KCNG3: variants seen among roughly 807,000 people sequenced by gnomAD.
KCNG3 encodes potassium voltage-gated channel modifier subfamily G member 3.
A neutral mutation model predicts 29.0 loss-of-function variants in KCNG3; 15 were observed. The ratio of observed to expected loss-of-function variants is 0.52; its 90% CI spans 0.35 to 0.80. The LOEUF (loss-of-function observed/expected upper bound fraction) is 0.80, where lower values mean the gene tolerates loss of function less well. Ranked by LOEUF, KCNG3 falls within the 30% of genes least tolerant of loss-of-function variation. The probability of loss-of-function intolerance (pLI) is 0.01; values close to 1 mark genes in which losing one functional copy is unlikely to be tolerated. For missense variants in KCNG3, 512 were observed against 605.7 expected (o/e 0.85, Z 1.62); for synonymous variants, 322 against 248.9 (o/e 1.29, Z -2.76).
Position 42,485,591 on chromosome 2 carries a change from C to T in KCNG3, c.665+7246G>A, listed in dbSNP as rs1307974378. On this transcript the variant is annotated intron_variant, in intron 1 of 1. Coordinates refer to ENST00000306078, the MANE Select transcript of KCNG3 (RefSeq NM_133329.6). ...TCCCGAGTAGCTCGGACTACAGGCG[C>T]CCGCCACCATGCCTAGCTAATTTTG... Among the ~76,000 whole-genome samples, 3 of 152,074 alleles carry T rather than the reference C, an allele frequency of 2.0e-5. No individual in the cohort carries two copies. The East Asian group carries it at 5.8e-4, about 29-fold the overall frequency.
chr2:42,478,052 C>T (rs753525370), intron 1 of KCNG3, among the ~76,000 whole-genome samples: 1 of 151,998 alleles, frequency 6.6e-6, no homozygotes, highest in East Asian at 1.9e-4. Context: ...ACCACAGGCA[C>T]GTTCTCAGGC....
chr2:42,415,189 ACAT>A, the KCNG3 span, among the ~76,000 whole-genome samples: 1 of 152,152 alleles, frequency 6.6e-6, no homozygotes, highest in Admixed American at 6.6e-5. Context: ...GCTGGGCCCC[ACAT>A]TAGGGCTCAG....
chr2:42,455,278 T>TC (rs1248904180), intron 1 of KCNG3, among the ~76,000 whole-genome samples: 1 of 152,174 alleles, frequency 6.6e-6, no homozygotes. Flanking sequence ...GTTGGACTGC[T>TC]CAGCCACACT....
chr2:42,486,004 A>T (rs1191684606), intron 1 of KCNG3, among the ~76,000 whole-genome samples: 1 of 152,204 alleles, frequency 6.6e-6, no homozygotes, highest in East Asian at 1.9e-4. Flanking sequence ...AGTCCTCTCA[A>T]TGAGGACTAA....
chr2:42,419,655 A>G, the KCNG3 span, among the ~76,000 whole-genome samples: 18,195 of 152,182 alleles, frequency 0.12, 1,190 homozygotes, highest in South Asian at 0.26. Context: ...CAACCTTAGC[A>G]CTCAGCTACT....
intron 1 of KCNG3, among the ~76,000 whole-genome samples, chr2:42,478,390 G>A (rs1285332732): frequency 6.6e-6 from 1 of 151,784 alleles, no homozygotes; most frequent in African/African-American, 2.4e-5. Context: ...ACGTCACCAT[G>A]CCTAGCTAAT....
chr2:42,493,821 A>C lies in KCNG3; in HGVS notation c.-320T>G. The C allele has an allele frequency of 4.4e-6, 1 of 228,068 alleles. No homozygotes were observed. Among genetic ancestry groups the C allele is most frequent in the Non-Finnish European group, 8.5e-6 (1 of 117,446 alleles). 14.1% of individuals were successfully genotyped at this position (228,068 alleles called of 1,614,324 possible). ...ACCCTCGCGCCCGAGGGCTGCGCAC[A>C]CCGAGGCCGCGGTGCCCTCTCCCAA... On this transcript the variant is annotated 5_prime_UTR_variant, in exon 1 of 2. Coordinates refer to ENST00000306078, the MANE Select transcript of KCNG3 (RefSeq NM_133329.6).
rs906226164 is a variant in KCNG3 at position 42,455,977 on chromosome 2, T to C, written c.666-11398A>G. 2.0e-5 allele frequency among the ~76,000 whole-genome samples: 3 copies of C among 149,282 alleles called. No homozygotes were observed. In the Admixed American group the frequency reaches 2.0e-4, roughly 10 times the overall value. On this transcript the variant is annotated intron_variant, in intron 1 of 1. Coordinates refer to ENST00000306078, the MANE Select transcript of KCNG3 (RefSeq NM_133329.6). ...TAATTATATTACATTTAAAATAATA[T>C]ATAGTATATTTTAAATATAGTACAA...
chr2:42,493,402 G>A lies in KCNG3; in HGVS notation c.100C>T (p.Arg34Cys). 2 of 1,516,752 alleles carry A rather than the reference G, an allele frequency of 1.3e-6. No individual in the cohort carries two copies. Among genetic ancestry groups the A allele is most frequent in the Non-Finnish European group, 8.8e-7 (1 of 1,134,044 alleles). The allele number at this position is 1,516,752 out of a possible 1,614,324, so 94.0% of individuals were successfully genotyped here. A position where few individuals can be genotyped will look rare whatever the true frequency, so the allele number is the denominator to read the frequency against. The change falls in exon 1 of 2, where the codon CGC (arginine) becomes TGC (cysteine). Residue 34 changes from arginine (R) to cysteine (C), a missense_variant. Transcript: ENST00000306078. ...CGGCAGCCGTGCAGCCGGCTCACGCGGCGCAGCGGGAAGTCCTTCAGCAGC... is the reference window on the plus strand; with the variant it reads ...CGGCAGCCGTGCAGCCGGCTCACGCAGCGCAGCGGGAAGTCCTTCAGCAGC... Reference protein sequence around the residue: ...RELLKDFPLRRVSRLHGCRSE... With the variant: ...RELLKDFPLRCVSRLHGCRSE...
At chr2:42,408,805 C>A in the KCNG3 span, among the ~76,000 whole-genome samples, 37 of 152,300 alleles carry the variant, frequency 2.4e-4, no homozygotes, top group African/African-American at 8.9e-4. Flanking sequence ...CCTTGCTCAC[C>A]ACGTTGCTGG....
the KCNG3 span, among the ~76,000 whole-genome samples, chr2:42,411,932 C>T: frequency 2.0e-5 from 3 of 152,326 alleles, no homozygotes; most frequent in East Asian, 5.8e-4. Context: ...ATTTCCAAGA[C>T]TATGTGACAG....
intron 1 of KCNG3, among the ~76,000 whole-genome samples, chr2:42,456,725 A>T (rs1017534433): frequency 6.6e-6 from 1 of 152,186 alleles, no homozygotes; most frequent in South Asian, 2.1e-4. Context: ...GTGCCACAAA[A>T]GGAAAAGTTA....
At chr2:42,482,142 C>G (rs922001594) in intron 1 of KCNG3, among the ~76,000 whole-genome samples, 1 of 152,210 alleles carries the variant, frequency 6.6e-6, no homozygotes, top group African/African-American at 2.4e-5. Flanking sequence ...TCATTGAAAG[C>G]AAGGACTTTG....
At chr2:42,455,011 A>G (rs1173895178) in intron 1 of KCNG3, among the ~76,000 whole-genome samples, 2 of 152,242 alleles carry the variant, frequency 1.3e-5, no homozygotes, top group Non-Finnish European at 1.5e-5. Context: ...ACTAAATGGT[A>G]TACTTAAAAA....
Position 42,493,355 on chromosome 2 carries a change from C to T in KCNG3, c.147G>A (p.Glu49=), listed in dbSNP as rs1182677416. ...GCTCGCGGTCGTAGTCGTCGCACAC[C>T]TCGAGCACGTCGCGCTCGGAGCGGC... is the stretch of plus-strand genomic sequence containing the variant. ...HGCRSERDVL[E]VCDDYDRERN... is the part of the protein sequence containing the mutation. The change falls in exon 1 of 2, where the codon GAG becomes GAA. Residue 49 remains glutamate (E), a synonymous_variant. Coordinates refer to ENST00000306078, the MANE Select transcript of KCNG3 (RefSeq NM_133329.6). The T allele has an allele frequency of 1.3e-6, 2 of 1,584,108 alleles. No individual in the cohort carries two copies. Among genetic ancestry groups the T allele is most frequent in the South Asian group, 1.1e-5 (1 of 87,372 alleles).
rs1672515532 is a variant in KCNG3 at position 42,442,852 on chromosome 2, A to C, written c.*1082T>G. ...TGTAGCTGTGATTCACAATAGTTAAAGATCAGATCAAATCATTATGTATCC... is the reference window on the plus strand; with the variant it reads ...TGTAGCTGTGATTCACAATAGTTAACGATCAGATCAAATCATTATGTATCC... On this transcript the variant is annotated 3_prime_UTR_variant, in exon 2 of 2. Transcript: ENST00000306078. The C allele has an allele frequency of 6.6e-6, 1 of 152,188 alleles. No homozygotes were observed. The highest frequency in any genetic ancestry group is 1.5e-5 in the Non-Finnish European group (1 of 68,010). 9.4% of individuals were successfully genotyped at this position (152,188 alleles called of 1,614,324 possible). A position where few individuals can be genotyped will look rare whatever the true frequency, so the allele number is the denominator to read the frequency against.
At chr2:42,464,566 C>G (rs1384438795) in intron 1 of KCNG3, among the ~76,000 whole-genome samples, 2 of 152,234 alleles carry the variant, frequency 1.3e-5, no homozygotes, top group Non-Finnish European at 2.9e-5. Flanking sequence ...AGCTAAAATG[C>G]ATGAGTTATC....
At position 42,493,431 on chromosome 2, in the gene KCNG3, C is replaced by A. The variant is rs778643852; in HGVS notation, c.71G>T (p.Arg24Leu). The A allele has an allele frequency of 6.7e-7, 1 of 1,486,916 alleles. No homozygotes were observed. The highest frequency in any genetic ancestry group is 2.4e-5 in the East Asian group (1 of 41,372). The allele number at this position is 1,486,916 out of a possible 1,614,324, so 92.1% of individuals were successfully genotyped here. A position where few individuals can be genotyped will look rare whatever the true frequency, so the allele number is the denominator to read the frequency against. Reference sequence around the variant, plus strand: ...CAGCGGGAAGTCCTTCAGCAGCTCCCGGGACAGCGAATACCGGGCGCCGCC... The same window carrying A: ...CAGCGGGAAGTCCTTCAGCAGCTCCAGGGACAGCGAATACCGGGCGCCGCC... ...NVGGARYSLS[R>L]ELLKDFPLRR... is the part of the protein sequence containing the mutation. The change falls in exon 1 of 2, where the codon CGG (arginine) becomes CTG (leucine). Residue 24 changes from arginine to leucine, a missense_variant. By Grantham distance (102) the Arg-to-Leu change is moderately radical. Transcript: ENST00000306078.
chr2:42,406,381 G>A, the KCNG3 span, among the ~76,000 whole-genome samples: 1 of 151,208 alleles, frequency 6.6e-6, no homozygotes, highest in Non-Finnish European at 1.5e-5. Context: ...CACCACACCT[G>A]GCTAATTTCG....
Sources: gnomAD v4.1 joint callset for allele counts (sites outside exome capture counted in the v4.1 genomes callset) on GRCh38, gnomAD v4.1.1 for gene constraint, MANE v1.5 for transcripts, NCBI Gene and HGNC (gene_info 2026-07-23, HGNC 2026-07-21) for gene names.